The following DENND5B variants were observed in gnomAD, a reference collection of about 807,000 sequenced individuals.
DENND5B encodes DENN domain containing 5B, also known as DENN domain-containing protein 5B.
A neutral mutation model predicts 140.6 loss-of-function variants in DENND5B; 34 were observed. The ratio of observed to expected loss-of-function variants is 0.24; its 90% CI spans 0.18 to 0.32. The LOEUF is 0.32. Among genes scored for constraint, DENND5B ranks in the 10% least tolerant of loss-of-function variants. DENND5B has a pLI of 1.00. For missense variants in DENND5B, 1,142 were observed against 1,560.2 expected, an observed-to-expected ratio of 0.73 and a Z score of 4.52; for synonymous variants, 551 against 562.1, an observed-to-expected ratio of 0.98 and a Z score of 0.28.
chr12:31,398,931 G>A (rs1941634225), intron 16 of DENND5B, among the ~76,000 whole-genome samples: 1 of 151,682 alleles, frequency 6.6e-6, no homozygotes, highest in South Asian at 2.1e-4. Flanking sequence ...AGACCAGCCT[G>A]GCCAACATAG....
intron 18 of DENND5B, 42 bp from the exon 19 acceptor site, chr12:31,392,435 A>T (rs1941195729): frequency 3.1e-6 from 5 of 1,605,476 alleles, no homozygotes; most frequent in Non-Finnish European, 4.3e-6. Context: ...AATCTCCTGC[A>T]TCTATGTCTA....
At chr12:31,472,394 C>T (rs974752681) in intron 3 of DENND5B, among the ~76,000 whole-genome samples, 2 of 152,116 alleles carry the variant, frequency 1.3e-5, no homozygotes, top group East Asian at 3.8e-4. Context: ...TGGGTTCAAG[C>T]GATTCTCCTG....
At position 31,484,410 on chromosome 12, in the gene DENND5B, C is replaced by T. The variant is rs150420174; in HGVS notation, c.238-4155G>A. ...CATGAAAAGTTGCTGAAGAACTCAA[C>T]GTCGACCATTCTATGGCCGTTTGAC... On this transcript the variant is annotated intron_variant, in intron 2 of 20. Coordinates refer to ENST00000389082, the MANE Select transcript of DENND5B (RefSeq NM_144973.4). Among the ~76,000 whole-genome samples, 593 of 152,194 alleles carry T rather than the reference C, an allele frequency of 3.9e-3. 5 individuals are homozygous for T. The highest frequency in any genetic ancestry group is 0.013 in the African/African-American group (544 of 41,544).
intron 3 of DENND5B, among the ~76,000 whole-genome samples, chr12:31,468,071 T>C (rs960817723): frequency 1.3e-5 from 2 of 151,814 alleles, no homozygotes; most frequent in Admixed American, 1.3e-4. Flanking sequence ...CTGGGCAACA[T>C]ACAGAGACCC....
intron 7 of DENND5B, among the ~76,000 whole-genome samples, chr12:31,435,204 C>A (rs576242263): frequency 2.8e-4 from 42 of 152,222 alleles, no homozygotes; most frequent in African/African-American, 1.0e-3. Flanking sequence ...ACTTCACCTG[C>A]CTTTTATCAA....
chr12:31,422,861 AAG>A lies in DENND5B; in HGVS notation c.2470+734_2470+735del, dbSNP rs1193014875. Among the ~76,000 whole-genome samples, 3 of 151,918 alleles carry A rather than the reference AAG, an allele frequency of 2.0e-5. No individual in the cohort carries two copies. In the East Asian group the frequency reaches 5.8e-4, roughly 29 times the overall value. On this transcript the variant is annotated intron_variant, in intron 11 of 20. Coordinates refer to ENST00000389082, the MANE Select transcript of DENND5B (RefSeq NM_144973.4). ...AACATGTTATATTTTCTATAAATTG[AAG>A]AGAGATTCAACTCCTGAAATTTTTG...
chr12:31,433,945 C>T lies in DENND5B; in HGVS notation c.2013-697G>A, dbSNP rs140826416. Among the ~76,000 whole-genome samples the T allele has an allele frequency of 6.2e-4, 94 of 152,224 alleles. 1 individual carries two copies. In the East Asian group the frequency reaches 0.014, roughly 23 times the overall value. On this transcript the variant is annotated intron_variant, in intron 7 of 20. Coordinates refer to ENST00000389082, the MANE Select transcript of DENND5B (RefSeq NM_144973.4). ...AGGAGTTTGGGGCCGCAGTGTGCCA[C>T]GACTGCACTCCTGCATTCCAGCCTG... is the stretch of plus-strand genomic sequence containing the variant.
intron 1 of DENND5B, among the ~76,000 whole-genome samples, chr12:31,539,557 G>T (rs1047386424): frequency 6.6e-6 from 1 of 152,128 alleles, no homozygotes; most frequent in Non-Finnish European, 1.5e-5. Context: ...TCCCAGGGAT[G>T]CAAGGATAGT....
intron 8 of DENND5B, among the ~76,000 whole-genome samples, chr12:31,430,365 C>G (rs1943453901): frequency 1.3e-5 from 2 of 151,188 alleles, no homozygotes; most frequent in Middle Eastern, 3.4e-3. Context: ...AAAAATTAAC[C>G]ACTGTCGGCT....
At chr12:31,567,986 G>T (rs1949688190) in intron 1 of DENND5B, among the ~76,000 whole-genome samples, 1 of 152,082 alleles carries the variant, frequency 6.6e-6, no homozygotes, top group Non-Finnish European at 1.5e-5. Context: ...TTACAGATGT[G>T]AGCCACCACA....
intron 14 of DENND5B, 50 bp from the exon 15 acceptor site, chr12:31,402,693 T>G: frequency 6.4e-7 from 1 of 1,554,172 alleles, no homozygotes; most frequent in African/African-American, 1.4e-5. Context: ...AAAATTCTCC[T>G]TATAACAAAA....
intron 1 of DENND5B, among the ~76,000 whole-genome samples, chr12:31,578,019 T>G (rs1950077812): frequency 6.6e-6 from 1 of 150,634 alleles, no homozygotes. Flanking sequence ...CCCAGCTATT[T>G]GGGGGACTGA....
intron 14 of DENND5B, among the ~76,000 whole-genome samples, chr12:31,404,759 C>CTTTCT: frequency 1.4e-5 from 1 of 74,064 alleles, no homozygotes; most frequent in Non-Finnish European, 2.4e-5. Context: ...CGACCTCTAG[C>CTTTCT]TTTTTTTTTT....
At chr12:31,460,479 C>A in intron 3 of DENND5B, 98 bp from the exon 4 acceptor site, 2 of 1,143,270 alleles carry the variant, frequency 1.7e-6, no homozygotes, top group Non-Finnish European at 1.2e-6. Context: ...AAAATTTCTG[C>A]GTTAAAAGTA....
intron 5 of DENND5B, among the ~76,000 whole-genome samples, chr12:31,448,008 T>C (rs1345739191): frequency 6.6e-6 from 1 of 152,192 alleles, no homozygotes; most frequent in African/African-American, 2.4e-5. Context: ...CTGATCCTTA[T>C]GACCATTATG....
At chr12:31,431,131 C>T (rs1943490545) in intron 8 of DENND5B, among the ~76,000 whole-genome samples, 1 of 152,182 alleles carries the variant, frequency 6.6e-6, no homozygotes, top group Non-Finnish European at 1.5e-5. Flanking sequence ...CTGTGCTCTT[C>T]TTTATTTCTG....
At chr12:31,388,674 T>G (rs1248517182) in intron 20 of DENND5B, among the ~76,000 whole-genome samples, 1 of 152,200 alleles carries the variant, frequency 6.6e-6, no homozygotes, top group Non-Finnish European at 1.5e-5. Context: ...ATGTTTCATT[T>G]CTTACAATTC....
chr12:31,492,061 C>T (rs1263374473), intron 2 of DENND5B, among the ~76,000 whole-genome samples: 1 of 152,174 alleles, frequency 6.6e-6, no homozygotes, highest in African/African-American at 2.4e-5. Context: ...CGAATGCAAA[C>T]TACTTTAATG....
rs200400371 is a variant in DENND5B at position 31,417,058 on chromosome 12, T to TG, written c.2471-1611dup. On this transcript the variant is annotated intron_variant, in intron 11 of 20. Coordinates refer to ENST00000389082, the MANE Select transcript of DENND5B (RefSeq NM_144973.4). ...CTGGGCAACAGAATGAGACTGTCTC[T>TG]GAAAAAAAAAAAAAAAGGCCAGGCG... 1.0e-3 allele frequency among the ~76,000 whole-genome samples: 112 copies of TG among 111,796 alleles called. 2 individuals are homozygous for TG. In the East Asian group the frequency reaches 0.024, roughly 24 times the overall value. 73.3% of individuals were successfully genotyped at this position (111,796 alleles called of 152,430 possible).
Sources: gnomAD v4.1 joint callset for allele counts (sites outside exome capture counted in the v4.1 genomes callset) on GRCh38, gnomAD v4.1.1 for gene constraint, MANE v1.5 for transcripts, NCBI Gene and HGNC (gene_info 2026-07-23, HGNC 2026-07-21) for gene names.